MGST2: variants seen among roughly 807,000 people sequenced by gnomAD.
The protein encoded by MGST2 is glutathione peroxidase MGST2.
A neutral mutation model predicts 16.6 loss-of-function variants in MGST2; 9 were observed. The ratio of observed to expected loss-of-function variants is 0.54; its 90% confidence interval spans 0.33 to 0.95. MGST2 has a LOEUF of 0.95. Among genes scored for constraint, MGST2 ranks in the 40% least tolerant of loss-of-function variants. MGST2 has a pLI of 0.03. For synonymous variants in MGST2, 79 were observed against 68.0 expected, an observed-to-expected ratio of 1.16 and a Z score of -0.79; for missense variants, 159 against 175.1, an observed-to-expected ratio of 0.91 and a Z score of 0.52.
At chr4:139,687,429 T>C (rs13124794) in intron 2 of MGST2, among the ~76,000 whole-genome samples, 17,354 of 152,234 alleles carry the variant, frequency 0.11, 1,377 homozygotes, top group Middle Eastern at 0.23. Context: ...AGAGCAGAAT[T>C]CCCTGGGATA....
chr4:139,725,847 G>C, intron 5 of MGST2: 2 of 1,611,744 alleles, frequency 1.2e-6, no homozygotes, highest in Non-Finnish European at 1.7e-6. Context: ...TAGAACAACA[G>C]AACACAAGAG....
chr4:139,743,134 A>G (rs956521492), downstream of MGST2, among the ~76,000 whole-genome samples: 1 of 152,154 alleles, frequency 6.6e-6, no homozygotes, highest in Non-Finnish European at 1.5e-5. Flanking sequence ...AGGCTGCTTT[A>G]CAGCATAACC....
intron 2 of MGST2, 22 bp from the exon 3 acceptor site, chr4:139,695,173 CTA>C (rs1726847001): frequency 6.6e-7 from 1 of 1,525,886 alleles, no homozygotes. Flanking sequence ...ATAAAATAAC[CTA>C]TGTCTTTATT....
intron 2 of MGST2, chr4:139,679,186 C>G (rs1327549714): frequency 1.3e-5 from 2 of 159,044 alleles, no homozygotes; most frequent in Non-Finnish European, 2.8e-5. Context: ...AATGTTCCAC[C>G]ATAAACACCG....
intron 5 of MGST2, among the ~76,000 whole-genome samples, chr4:139,733,055 A>G (rs952348725): frequency 4.6e-5 from 7 of 151,418 alleles, no homozygotes; most frequent in African/African-American, 1.4e-4. Context: ...TTTTCCCCCA[A>G]ATATTTGCTA....
chr4:139,667,196 A>G (rs1031120259), intron 1 of MGST2, among the ~76,000 whole-genome samples: 6 of 151,908 alleles, frequency 3.9e-5, no homozygotes, highest in Non-Finnish European at 8.8e-5. Flanking sequence ...GGACAGAAAA[A>G]GGAAAGCGAC....
intron 5 of MGST2, among the ~76,000 whole-genome samples, chr4:139,730,005 A>G (rs183681830): frequency 6.6e-6 from 1 of 152,212 alleles, no homozygotes; most frequent in East Asian, 1.9e-4. Flanking sequence ...CTTCCTGTCA[A>G]TTTCCTCTAA....
Position 139,698,522 on chromosome 4 carries a change from C to T in MGST2, c.229+3255C>T, listed in dbSNP as rs553719634. 1.6e-4 allele frequency: 184 copies of T among 1,127,408 alleles called. 1 individual carries two copies. The East Asian group carries it at 4.4e-3, about 27-fold the overall frequency. The allele number at this position is 1,127,408 out of a possible 1,614,324, so 69.8% of individuals were successfully genotyped here. A position where few individuals can be genotyped will look rare whatever the true frequency, so the allele number is the denominator to read the frequency against. ...GCTTCCTGGGTGCTTTACCACCGGT[C>T]GATTTGCGGGCAGTCTGCTTTGTAC... is the stretch of plus-strand genomic sequence containing the variant. On this transcript the variant is annotated intron_variant, in intron 3 of 4. Transcript: ENST00000265498.
intron 3 of MGST2, 77 bp from the exon 4 acceptor site, chr4:139,703,377 TC>T: frequency 1.7e-6 from 2 of 1,176,072 alleles, no homozygotes; most frequent in Non-Finnish European, 2.6e-6. Flanking sequence ...GTGAATATTT[TC>T]TCAGTCGTCG....
At chr4:139,690,645 A>G (rs1336517576) in intron 2 of MGST2, among the ~76,000 whole-genome samples, 1 of 152,074 alleles carries the variant, frequency 6.6e-6, no homozygotes, top group Non-Finnish European at 1.5e-5. Flanking sequence ...GCATATTTTT[A>G]TGGGGCTGTG....
At position 139,704,002 on chromosome 4, in the gene MGST2, T is replaced by A. The variant is rs8192112; in HGVS notation, c.312-14T>A. Reference sequence around the variant, plus strand: ...TCCAGTTTGTCACTTTTCTCCCTCATGTCCACTCTGCAGGATCACCGGTTT... The same window carrying A: ...TCCAGTTTGTCACTTTTCTCCCTCAAGTCCACTCTGCAGGATCACCGGTTT... On this transcript the variant is annotated splice_polypyrimidine_tract_variant and intron_variant, in intron 4 of 4. Coordinates refer to ENST00000265498, the MANE Select transcript of MGST2 (RefSeq NM_002413.5). The A allele has an allele frequency of 1.3e-5, 21 of 1,613,992 alleles. No individual in the cohort carries two copies. The highest frequency in any genetic ancestry group is 4.0e-5 in the African/African-American group (3 of 74,936).
chr4:139,749,060 A>G, the MGST2 span, among the ~76,000 whole-genome samples: 4,710 of 152,266 alleles, frequency 0.031, 202 homozygotes, highest in East Asian at 0.2. Flanking sequence ...AACAATCCAA[A>G]AGCTCTAAAC....
intron 3 of MGST2, chr4:139,698,577 C>G (rs375857898): frequency 2.6e-6 from 2 of 773,482 alleles, no homozygotes; most frequent in Admixed American, 2.4e-5. Context: ...TCCTTACTTA[C>G]CCCCCTTCTC....
chr4:139,703,472 G>T lies in MGST2; in HGVS notation c.247G>T (p.Gly83Cys), dbSNP rs1302690966. 2 of 1,613,308 alleles carry T rather than the reference G, an allele frequency of 1.2e-6. No individual in the cohort carries two copies. The highest frequency in any genetic ancestry group is 1.7e-6 in the Non-Finnish European group (2 of 1,179,846). ...YFNQVFATCL[G>C]LVYIYGRHLY... is the part of the protein sequence containing the mutation. ...CCCTATAGTTTTTGCTACTTGTCTG[G>T]GTCTGGTGTACATATATGGCCGTCA... Residue 83 changes from glycine to cysteine, a missense_variant, in exon 4 of 5, where the codon GGT (glycine) becomes TGT (cysteine). Gly to Cys is a radical substitution (Grantham distance 159). Coordinates refer to ENST00000265498, the MANE Select transcript of MGST2 (RefSeq NM_002413.5).
intron 3 of MGST2, among the ~76,000 whole-genome samples, chr4:139,703,126 A>G (rs560305766): frequency 7.9e-5 from 12 of 151,688 alleles, no homozygotes; most frequent in South Asian, 2.1e-4. Context: ...AGGTTTCACA[A>G]TGTTGGCCAG....
intron 5 of MGST2, among the ~76,000 whole-genome samples, chr4:139,733,842 A>G (rs1370430465): frequency 1.3e-5 from 2 of 152,136 alleles, no homozygotes; most frequent in Non-Finnish European, 2.9e-5. Flanking sequence ...TTAAGCCACC[A>G]TGCCCTGCTA....
chr4:139,668,665 C>A (rs2110782223), intron 1 of MGST2, among the ~76,000 whole-genome samples: 1 of 151,080 alleles, frequency 6.6e-6, no homozygotes, highest in Admixed American at 6.6e-5. Flanking sequence ...GGCTTTACAA[C>A]AACACAGGTT....
rs570485694 is a variant in MGST2 at position 139,737,022 on chromosome 4, T to G, written c.*49-3190T>G. Among the ~76,000 whole-genome samples the G allele has an allele frequency of 5.9e-5, 9 of 152,280 alleles. No homozygotes were observed. In the East Asian group the frequency reaches 1.7e-3, roughly 29 times the overall value. On this transcript the variant is annotated intron_variant, in intron 5 of 5. Transcript: ENST00000616265. ...GAGCCCATGGCTGAAAGGAGCCAAT[T>G]CTTCCAGGACGGACTACTCCAGTTG...
intron 3 of MGST2, among the ~76,000 whole-genome samples, chr4:139,702,140 GAT>G (rs1727285166): frequency 6.6e-6 from 1 of 152,276 alleles, no homozygotes; most frequent in Admixed American, 6.5e-5. Context: ...GATATGTATT[GAT>G]ATGTTTCACT....
Sources: allele counts gnomAD v4.1 joint callset (sites outside exome capture counted in the v4.1 genomes callset), GRCh38; gene constraint gnomAD v4.1.1; transcripts MANE v1.5; gene names NCBI Gene and HGNC (gene_info 2026-07-23, HGNC 2026-07-21).